The following OTUD7A variants were observed in gnomAD, a reference collection of about 807,000 sequenced individuals.
The protein encoded by OTUD7A is OTU domain-containing protein 7A.
Under a neutral mutation model 65.7 loss-of-function variants are expected in OTUD7A, and 12 were observed. The ratio of observed to expected loss-of-function variants is 0.18; its 90% CI spans 0.12 to 0.30. OTUD7A has a LOEUF of 0.30. Among genes scored for constraint, OTUD7A ranks in the 10% least tolerant of loss-of-function variants. The pLI is 1.00. For missense variants in OTUD7A, 1,148 were observed against 1,304.8 expected (o/e 0.88, Z 1.85); for synonymous variants, 641 against 586.3 (o/e 1.09, Z -1.35).
At chr15:31,764,525 A>G (rs1291428278) in intron 1 of OTUD7A, among the ~76,000 whole-genome samples, 1 of 152,162 alleles carries the variant, frequency 6.6e-6, no homozygotes, top group East Asian at 1.9e-4. Context: ...GTACCAAGTC[A>G]ATCAAGCAGA....
intron 1 of OTUD7A, among the ~76,000 whole-genome samples, chr15:31,662,743 T>C (rs1892200356): frequency 6.6e-6 from 1 of 152,244 alleles, no homozygotes; most frequent in Admixed American, 6.5e-5. Context: ...ATGTTTGTTT[T>C]AAAAACAAAT....
chr15:31,658,691 T>C (rs958766929), intron 1 of OTUD7A, among the ~76,000 whole-genome samples: 10 of 151,992 alleles, frequency 6.6e-5, no homozygotes, highest in African/African-American at 9.7e-5. Flanking sequence ...GACAGAGGTG[T>C]AGCAGGATAA....
intron 5 of OTUD7A, among the ~76,000 whole-genome samples, chr15:31,553,534 T>C (rs1888393865): frequency 4.6e-5 from 7 of 152,062 alleles, no homozygotes; most frequent in Admixed American, 4.6e-4. Flanking sequence ...TTTACAAGTC[T>C]CACTACAGTC....
intron 1 of OTUD7A, among the ~76,000 whole-genome samples, chr15:31,660,811 T>C (rs1892140393): frequency 6.6e-6 from 1 of 152,254 alleles, no homozygotes; most frequent in Non-Finnish European, 1.5e-5. Flanking sequence ...ATCATTTCAC[T>C]CTTTAGTTTT....
At chr15:31,561,784 T>TCACACACACACACA (rs3075495) in intron 4 of OTUD7A, among the ~76,000 whole-genome samples, 4,825 of 150,478 alleles carry the variant, frequency 0.032, 223 homozygotes, top group African/African-American at 0.1. Flanking sequence ...ACACACAGAG[T>TCACACACACACACA]CACACACACA....
Position 31,481,228 on chromosome 15 carries a change from T to C in OTUD7A, c.*2066A>G, listed in dbSNP as rs2041113647. 6.6e-6 allele frequency: 1 copy of C among 152,212 alleles called. No homozygotes were observed. The highest frequency in any genetic ancestry group is 2.4e-5 in the African/African-American group (1 of 41,452). 9.4% of individuals were successfully genotyped at this position (152,212 alleles called of 1,614,324 possible). ...ATGCCTCCTTGACATCTTGTGCATATGAGTTTGGTTTCTGAATGGATTATT... is the reference window on the plus strand; with the variant it reads ...ATGCCTCCTTGACATCTTGTGCATACGAGTTTGGTTTCTGAATGGATTATT... On this transcript the variant is annotated 3_prime_UTR_variant, in exon 13 of 13. Transcript: ENST00000307050.
intron 3 of OTUD7A, among the ~76,000 whole-genome samples, chr15:31,621,586 C>A (rs1890784741): frequency 7.3e-6 from 1 of 137,556 alleles, no homozygotes; most frequent in African/African-American, 3.1e-5. Flanking sequence ...GGATTGCAAC[C>A]CCTACCTTTT....
intron 1 of OTUD7A, among the ~76,000 whole-genome samples, chr15:31,694,397 C>T (rs1250300741): frequency 5.9e-5 from 9 of 152,162 alleles, no homozygotes; most frequent in Admixed American, 5.9e-4. Context: ...AAGCCCAGAT[C>T]CCCTCAAGCC....
intron 1 of OTUD7A, among the ~76,000 whole-genome samples, chr15:31,849,974 T>C (rs1386717835): frequency 6.6e-6 from 1 of 152,218 alleles, no homozygotes. Flanking sequence ...GAGTGTAAAC[T>C]AGTTCAACCA....
At chr15:31,845,224 C>T (rs182830261) in intron 1 of OTUD7A, among the ~76,000 whole-genome samples, 3 of 152,266 alleles carry the variant, frequency 2.0e-5, no homozygotes, top group East Asian at 3.9e-4. Context: ...CTCTCACCTG[C>T]GCTAGGCGAC....
intron 1 of OTUD7A, among the ~76,000 whole-genome samples, chr15:31,676,061 A>G (rs1892588654): frequency 6.6e-6 from 1 of 152,174 alleles, no homozygotes; most frequent in African/African-American, 2.4e-5. Flanking sequence ...AATTTTGAAG[A>G]AAATAAGTTG....
At chr15:31,754,851 T>C (rs935036907) in intron 1 of OTUD7A, among the ~76,000 whole-genome samples, 2 of 152,196 alleles carry the variant, frequency 1.3e-5, no homozygotes, top group African/African-American at 2.4e-5. Flanking sequence ...GTGAACCTCC[T>C]GAAAGCTTCT....
chr15:31,772,028 G>A (rs554136959), intron 1 of OTUD7A, among the ~76,000 whole-genome samples: 33 of 152,004 alleles, frequency 2.2e-4, no homozygotes, highest in African/African-American at 6.0e-4. Flanking sequence ...CGAGGCGGGC[G>A]GATCACGAGG....
chr15:31,667,919 T>C (rs1457470966), intron 1 of OTUD7A, among the ~76,000 whole-genome samples: 1 of 152,216 alleles, frequency 6.6e-6, no homozygotes, highest in Admixed American at 6.5e-5. Context: ...TTTTGCTGCA[T>C]ACAAAATTCT....
rs558891878 is a variant in OTUD7A at position 31,540,377 on chromosome 15, G to A, written c.551-9569C>T. 5.3e-5 allele frequency among the ~76,000 whole-genome samples: 8 copies of A among 152,270 alleles called. No individual in the cohort carries two copies. In the South Asian group the frequency reaches 1.7e-3, roughly 32 times the overall value. On this transcript the variant is annotated intron_variant, in intron 5 of 12. Coordinates refer to ENST00000307050, the MANE Select transcript of OTUD7A (RefSeq NM_001382637.1). ...AAATGAGGATGAAATAGTGGGCTTT[G>A]GAACACCTACCCTTGCAGAATCTGG...
intron 1 of OTUD7A, among the ~76,000 whole-genome samples, chr15:31,862,913 G>C (rs1421099901): frequency 2.0e-5 from 3 of 152,238 alleles, no homozygotes; most frequent in Non-Finnish European, 4.4e-5. Context: ...CTATGAGCCT[G>C]TAAAATCAAA....
Position 31,791,895 on chromosome 15 carries a change from C to T in OTUD7A, c.-100+78612G>A, listed in dbSNP as rs1895825766. On this transcript the variant is annotated intron_variant, in intron 1 of 12. Transcript: ENST00000307050. ...GCATCTCATCTCCATTTATGCCCTC[C>T]CCAAATGCACTCCCATGAAGGCTCT... Among the ~76,000 whole-genome samples, 3 of 152,098 alleles carry T rather than the reference C, an allele frequency of 2.0e-5. No homozygotes were observed. In the South Asian group the frequency reaches 6.2e-4, roughly 32 times the overall value.
chr15:31,792,118 G>T (rs550528538), intron 1 of OTUD7A, among the ~76,000 whole-genome samples: 1 of 152,024 alleles, frequency 6.6e-6, no homozygotes, highest in Non-Finnish European at 1.5e-5. Flanking sequence ...TTTCTCGTCC[G>T]CTCCTCAGCA....
intron 1 of OTUD7A, among the ~76,000 whole-genome samples, chr15:31,684,095 C>T (rs1892782723): frequency 6.6e-6 from 1 of 152,198 alleles, no homozygotes; most frequent in African/African-American, 2.4e-5. Flanking sequence ...TGCTACTGGC[C>T]AAGGATGGGG....
Sources: allele counts gnomAD v4.1 joint callset (sites outside exome capture counted in the v4.1 genomes callset), GRCh38; gene constraint gnomAD v4.1.1; transcripts MANE v1.5; gene names NCBI Gene and HGNC (gene_info 2026-07-23, HGNC 2026-07-21).